Variants in MYCBPAP observed in about 807,000 individuals in gnomAD.
The protein encoded by MYCBPAP is MYCBP associated protein, also known as MYCBP-associated protein.
In MYCBPAP, 60 loss-of-function variants were observed where a neutral mutation model predicts 106.1. That is an observed-to-expected ratio of 0.57 (90% CI 0.46 to 0.70). The LOEUF is 0.70. Ranked by LOEUF, MYCBPAP falls within the 30% of genes least tolerant of loss-of-function variation. MYCBPAP has a pLI of 0.00. For missense variants in MYCBPAP, 1,064 were observed against 1,169.3 expected, an observed-to-expected ratio of 0.91 and a Z score of 1.31; for synonymous variants, 407 against 440.6, an observed-to-expected ratio of 0.92 and a Z score of 0.95.
At chr17:50,524,252 T>G (rs545194843) in intron 12 of MYCBPAP, among the ~76,000 whole-genome samples, 1 of 152,146 alleles carries the variant, frequency 6.6e-6, no homozygotes. Flanking sequence ...AGGTGGGAGC[T>G]TGGAATCTGT....
chr17:50,513,305 T>C (rs1303547182), intron 1 of MYCBPAP, among the ~76,000 whole-genome samples: 1 of 151,544 alleles, frequency 6.6e-6, no homozygotes, highest in Non-Finnish European at 1.5e-5. Context: ...GAGAATCACT[T>C]GAGCCCGGGA....
At chr17:50,529,863 C>T (rs182629155) in intron 18 of MYCBPAP, 18 of 455,456 alleles carry the variant, frequency 4.0e-5, no homozygotes, top group African/African-American at 6.0e-5. Flanking sequence ...CATCCTAATC[C>T]GTTCTTAAGT....
At chr17:50,512,929 T>C (rs939553434) in intron 1 of MYCBPAP, among the ~76,000 whole-genome samples, 11 of 151,480 alleles carry the variant, frequency 7.3e-5, no homozygotes, top group African/African-American at 2.4e-4. Flanking sequence ...CAAAAAATAG[T>C]TGGGCGGCCG....
At chr17:50,515,122 T>C (rs2033997755) in intron 1 of MYCBPAP, among the ~76,000 whole-genome samples, 2 of 152,210 alleles carry the variant, frequency 1.3e-5, no homozygotes, top group African/African-American at 4.8e-5. Flanking sequence ...TTATTTTCTT[T>C]GGAATGCCTG....
intron 10 of MYCBPAP, chr17:50,522,688 CTG>C (rs1332802517): frequency 4.6e-5 from 1 of 21,600 alleles, no homozygotes; most frequent in East Asian, 2.1e-3. Context: ...GAGCGAAACT[CTG>C]TCTCAAAAAA....
At chr17:50,518,149 C>T (rs1469177409) in intron 4 of MYCBPAP, among the ~76,000 whole-genome samples, 1 of 152,254 alleles carries the variant, frequency 6.6e-6, no homozygotes, top group African/African-American at 2.4e-5. Context: ...TCCCATCATG[C>T]AGTGCTTCAC....
At chr17:50,519,859 A>G in intron 7 of MYCBPAP, 72 bp downstream of exon 7, 1 of 1,527,566 alleles carries the variant, frequency 6.5e-7, no homozygotes, top group Non-Finnish European at 8.9e-7. Flanking sequence ...GGAAGTGGCC[A>G]GCATAGCTCT....
intron 1 of MYCBPAP, among the ~76,000 whole-genome samples, chr17:50,515,142 G>A (rs900909402): frequency 3.9e-5 from 6 of 152,206 alleles, no homozygotes; most frequent in East Asian, 3.9e-4. Flanking sequence ...GTTCCCCAGG[G>A]CCCTTTCCTT....
At position 50,510,516 on chromosome 17, in the gene MYCBPAP, T is replaced by C. The variant is rs1326488731; in HGVS notation, c.76+1766T>C. 5.2e-5 allele frequency: 7 copies of C among 133,788 alleles called. No individual in the cohort carries two copies. The East Asian group carries it at 6.4e-4, about 12-fold the overall frequency. The allele number at this position is 133,788 out of a possible 1,614,324, so 8.3% of individuals were successfully genotyped here. A position where few individuals can be genotyped will look rare whatever the true frequency, so the allele number is the denominator to read the frequency against. On this transcript the variant is annotated intron_variant, in intron 1 of 18. Coordinates refer to ENST00000323776, the MANE Select transcript of MYCBPAP (RefSeq NM_032133.6). ...GTGTGTGTGTATATATATATATATA[T>C]ATATATATATATATATATATGTATT...
At chr17:50,511,988 C>T (rs548226481) in intron 1 of MYCBPAP, among the ~76,000 whole-genome samples, 82 of 152,056 alleles carry the variant, frequency 5.4e-4, no homozygotes, top group African/African-American at 1.9e-3. Flanking sequence ...CTTTACAAAG[C>T]TGTCATGCCC....
At chr17:50,529,657 G>A (rs907495390) in intron 18 of MYCBPAP, 5 of 433,308 alleles carry the variant, frequency 1.2e-5, no homozygotes, top group East Asian at 7.2e-5. Context: ...GAATAGAAAC[G>A]CAATAGGGTC....
At position 50,520,628 on chromosome 17, in the gene MYCBPAP, C is replaced by T. The variant is rs553942838; in HGVS notation, c.917-482C>T. 1.2e-4 allele frequency among the ~76,000 whole-genome samples: 18 copies of T among 152,242 alleles called. No individual in the cohort carries two copies. In the South Asian group the frequency reaches 1.9e-3, roughly 16 times the overall value. On this transcript the variant is annotated intron_variant, in intron 7 of 18. Transcript: ENST00000323776. ...AGAAAACTTTCAGTGACACGTGTGG[C>T]TTGTGCTTGTGGTTTGCATTCTGTT...
chr17:50,512,153 A>G (rs1029818339), intron 1 of MYCBPAP, among the ~76,000 whole-genome samples: 1 of 148,060 alleles, frequency 6.8e-6, no homozygotes, highest in African/African-American at 2.5e-5. Context: ...TCCCGTGTTC[A>G]CGCCATTCTC....
At chr17:50,508,909 G>A in intron 1 of MYCBPAP, 159 bp downstream of exon 1, 1 of 763,980 alleles carries the variant, frequency 1.3e-6, no homozygotes, top group Admixed American at 2.0e-5. Context: ...TTAGGGATGG[G>A]GGGCAAGGCA....
At chr17:50,520,423 T>G (rs2034215637) in intron 7 of MYCBPAP, among the ~76,000 whole-genome samples, 1 of 152,146 alleles carries the variant, frequency 6.6e-6, no homozygotes, top group Non-Finnish European at 1.5e-5. Context: ...GAGAATTGCT[T>G]GAATCTGGGA....
intron 10 of MYCBPAP, 43 bp from the exon 11 acceptor site, chr17:50,522,896 C>G (rs1188120200): frequency 6.3e-7 from 1 of 1,583,756 alleles, no homozygotes; most frequent in African/African-American, 1.4e-5. Context: ...CACTCTAGGC[C>G]AGGGTTTGCA....
At chr17:50,522,709 A>AAAAAAAAAAATATATATATATATAT in intron 10 of MYCBPAP, 10 of 50,026 alleles carry the variant, frequency 2.0e-4, no homozygotes, top group African/African-American at 8.4e-4. Context: ...AAAAAAAAAA[A>AAAAAAAAAAATATATATATATATAT]ATATATATAT....
At chr17:50,508,874 A>G in intron 1 of MYCBPAP, 124 bp downstream of exon 1, 2 of 926,268 alleles carry the variant, frequency 2.2e-6, no homozygotes, top group Non-Finnish European at 3.5e-6. Context: ...GATCACGGGG[A>G]AGTGGGGTAC....
chr17:50,516,760 T>G, intron 2 of MYCBPAP, 63 bp downstream of exon 2: 1 of 1,596,312 alleles, frequency 6.3e-7, no homozygotes, highest in South Asian at 1.1e-5. Flanking sequence ...GCCTGAGTGG[T>G]CTAGAACACC....
Sources: gnomAD v4.1 joint callset for allele counts (sites outside exome capture counted in the v4.1 genomes callset) on GRCh38, gnomAD v4.1.1 for gene constraint, MANE v1.5 for transcripts, NCBI Gene and HGNC (gene_info 2026-07-23, HGNC 2026-07-21) for gene names.